SASH1: variants seen among roughly 807,000 people sequenced by gnomAD.
SASH1 encodes the protein SAM and SH3 domain containing 1.
SASH1 carries 44 observed loss-of-function variants against 125.2 expected under a neutral mutation model. The observed-to-expected ratio is 0.35, with a 90% confidence interval of 0.28 to 0.45. SASH1 has a LOEUF of 0.45. Ranked by LOEUF, SASH1 falls within the 20% of genes least tolerant of loss-of-function variation. The pLI is 1.00. For synonymous variants in SASH1, 639 were observed against 649.1 expected (o/e 0.98, Z 0.24); for missense variants, 1,426 against 1,614.5 (o/e 0.88, Z 2.00).
the SASH1 span, among the ~76,000 whole-genome samples, chr6:148,251,586 G>T: frequency 6.6e-6 from 1 of 152,112 alleles, no homozygotes; most frequent in Non-Finnish European, 1.5e-5. Flanking sequence ...ATTCAGACGG[G>T]TAAGAAGCCA....
chr6:148,417,413 C>T (rs191861149), intron 2 of SASH1, among the ~76,000 whole-genome samples: 26 of 152,078 alleles, frequency 1.7e-4, no homozygotes, highest in South Asian at 1.5e-3. Flanking sequence ...GGTGAAACCC[C>T]GTGGCTACTA....
intron 1 of SASH1, among the ~76,000 whole-genome samples, chr6:148,334,984 AAAAAAG>A (rs1395226036): frequency 4.0e-5 from 6 of 149,574 alleles, no homozygotes; most frequent in African/African-American, 7.4e-5. Context: ...AAAAAAAAAA[AAAAAAG>A]AAAAGAAAAG....
chr6:148,221,819 T>C, the SASH1 span, among the ~76,000 whole-genome samples: 1 of 152,214 alleles, frequency 6.6e-6, no homozygotes, highest in Non-Finnish European at 1.5e-5. Flanking sequence ...TTCAAGTCCA[T>C]TAAAACACTT....
chr6:148,527,301 GAT>G (rs1313329136), intron 11 of SASH1, 150 bp from the exon 12 acceptor site: 1 of 607,120 alleles, frequency 1.6e-6, no homozygotes, highest in Admixed American at 4.2e-5. Flanking sequence ...TAATCAAAGA[GAT>G]AAATAATAGC....
At chr6:148,362,209 G>C (rs901173665) in intron 1 of SASH1, among the ~76,000 whole-genome samples, 8 of 148,622 alleles carry the variant, frequency 5.4e-5, no homozygotes, top group Admixed American at 2.7e-4. Context: ...TTACAGGCGT[G>C]AGCCACCGTG....
rs377180645 is a variant in SASH1 at position 148,387,107 on chromosome 6, T to C, written c.157-3027T>C. The stretch of plus-strand genomic sequence containing the variant: ...TCTCTCTCTCTCTCTCTCCTTCCTT[T>C]CTTTCTTTTCTTTTTTTTTTTTTTT... On this transcript the variant is annotated intron_variant, in intron 1 of 19. Transcript: ENST00000367467. Among the ~76,000 whole-genome samples the C allele has an allele frequency of 4.2e-5, 6 of 141,940 alleles. 1 individual carries two copies. The highest frequency in any genetic ancestry group is 1.5e-4 in the African/African-American group (6 of 39,164). 93.1% of individuals were successfully genotyped at this position (141,940 alleles called of 152,430 possible). A position where few individuals can be genotyped will look rare whatever the true frequency, so the allele number is the denominator to read the frequency against.
Position 148,533,040 on chromosome 6 carries a change from C to A in SASH1, c.1734+74C>A, listed in dbSNP as rs1364931983. 6.8e-7 allele frequency: 1 copy of A among 1,464,080 alleles called. No individual in the cohort carries two copies. Among genetic ancestry groups the A allele is most frequent in the Non-Finnish European group, 9.5e-7 (1 of 1,051,672 alleles). 90.7% of individuals were successfully genotyped at this position (1,464,080 alleles called of 1,614,324 possible). A position where few individuals can be genotyped will look rare whatever the true frequency, so the allele number is the denominator to read the frequency against. On this transcript the variant is annotated intron_variant, in intron 14 of 19. Transcript: ENST00000367467. The surrounding 1 kb of genome is among the most constrained non-coding windows in gnomAD (Gnocchi z 6.2). ...TCTAGGAGGCTTTCTTTCCTCCTCACTGTTGAATGCTGGGCTACTATGGTA... is the reference window on the plus strand; with the variant it reads ...TCTAGGAGGCTTTCTTTCCTCCTCAATGTTGAATGCTGGGCTACTATGGTA...
chr6:148,332,553 G>A (rs751564673), intron 1 of SASH1, among the ~76,000 whole-genome samples: 7 of 150,768 alleles, frequency 4.6e-5, no homozygotes, highest in African/African-American at 1.5e-4. Flanking sequence ...ATATTTAATC[G>A]TCTGCCCTTT....
rs1780778329 is a variant in SASH1, at chr6:148,521,087, A to G, written c.1209+1194A>G. ...GGATGTTTTTCACTTTTAACGCTGG[A>G]TGATCAGAGACCTAGTAAGATTTAT... On this transcript the variant is annotated intron_variant, in intron 10 of 19. Transcript: ENST00000367467. Among the ~76,000 whole-genome samples, 3 of 152,228 alleles carry G rather than the reference A, an allele frequency of 2.0e-5. No individual in the cohort carries two copies. The South Asian group carries it at 6.2e-4, about 31-fold the overall frequency.
intron 12 of SASH1, among the ~76,000 whole-genome samples, chr6:148,530,594 T>C (rs1781455294): frequency 6.6e-6 from 1 of 152,216 alleles, no homozygotes; most frequent in Non-Finnish European, 1.5e-5. Context: ...AAGGCCCTTC[T>C]GATGACTCGG....
At chr6:148,445,556 C>A (rs76210607) in intron 4 of SASH1, among the ~76,000 whole-genome samples, 3 of 152,302 alleles carry the variant, frequency 2.0e-5, no homozygotes, top group South Asian at 4.2e-4. Context: ...CATCTGAGTT[C>A]CATGAATGGG....
At chr6:148,317,424 A>AT (rs971480895) in intron 1 of SASH1, among the ~76,000 whole-genome samples, 1 of 152,104 alleles carries the variant, frequency 6.6e-6, no homozygotes, top group African/African-American at 2.4e-5. Context: ...GAGGAAAAAA[A>AT]TTTTTTTTGT....
chr6:148,327,674 C>T (rs1250923193), intron 1 of SASH1, among the ~76,000 whole-genome samples: 1 of 151,212 alleles, frequency 6.6e-6, no homozygotes, highest in African/African-American at 2.4e-5. Flanking sequence ...GGTGCAGTGG[C>T]TCACGCCTGT....
chr6:148,425,729 C>T, intron 2 of SASH1, among the ~76,000 whole-genome samples: 1 of 119,938 alleles, frequency 8.3e-6, no homozygotes, highest in African/African-American at 2.9e-5. Context: ...TCTCCCTTCC[C>T]CTCCCCCTCC....
At chr6:148,201,197 C>T in the SASH1 span, among the ~76,000 whole-genome samples, 1 of 152,096 alleles carries the variant, frequency 6.6e-6, no homozygotes, top group Non-Finnish European at 1.5e-5. Flanking sequence ...AATGATGACA[C>T]GATCATAATA....
chr6:148,403,934 T>C (rs1784276072), intron 2 of SASH1, among the ~76,000 whole-genome samples: 1 of 152,270 alleles, frequency 6.6e-6, no homozygotes, highest in South Asian at 2.1e-4. Flanking sequence ...TTAGTACCTT[T>C]ATTCCTAATT....
intron 1 of SASH1, among the ~76,000 whole-genome samples, chr6:148,353,635 A>G (rs1781821124): frequency 6.6e-6 from 1 of 151,842 alleles, no homozygotes; most frequent in Non-Finnish European, 1.5e-5. Context: ...GGGTTTTGCC[A>G]TGTTGGCCAG....
chr6:148,349,252 C>CTTTTTTTT lies in SASH1; in HGVS notation c.156+6051_156+6058dup, dbSNP rs11317386. ...TTATTTCATTCTTTCTTCTTTCTTT[C>CTTTTTTTT]TTTTTTTTTTTTTTTTTTTTTTTTT... is the stretch of plus-strand genomic sequence containing the variant. On this transcript the variant is annotated intron_variant, in intron 1 of 19. Transcript: ENST00000367467. Among the ~76,000 whole-genome samples, 358 of 46,856 alleles carry CTTTTTTTT rather than the reference C, an allele frequency of 7.6e-3. 5 individuals carry two copies. The highest frequency in any genetic ancestry group is 8.6e-3 in the Non-Finnish European group (232 of 27,078). 30.7% of individuals were successfully genotyped at this position (46,856 alleles called of 152,430 possible).
intron 1 of SASH1, among the ~76,000 whole-genome samples, chr6:148,360,735 T>A (rs546168216): frequency 3.6e-4 from 55 of 152,154 alleles, no homozygotes; most frequent in Non-Finnish European, 6.3e-4. Flanking sequence ...TGATATTAGC[T>A]GCAGTTATTT....
Sources: allele counts gnomAD v4.1 joint callset (sites outside exome capture counted in the v4.1 genomes callset), GRCh38; gene constraint gnomAD v4.1.1; non-coding constraint Gnocchi (gnomAD v3.1); transcripts MANE v1.5; gene names NCBI Gene and HGNC (gene_info 2026-07-23, HGNC 2026-07-21).